MPG: variants seen among roughly 807,000 people sequenced by gnomAD.
MPG encodes the protein N-methylpurine DNA glycosylase, also known as DNA-3-methyladenine glycosylase.
A neutral mutation model predicts 31.7 loss-of-function variants in MPG; 33 were observed. That is an observed-to-expected ratio of 1.04 (90% confidence interval 0.79 to 1.39). MPG has a LOEUF of 1.39. Ranked by LOEUF, MPG falls within the 40% of genes most tolerant of loss-of-function variation. MPG has a pLI of 0.00. For synonymous variants in MPG, 202 were observed against 169.2 expected (o/e 1.19, Z -1.51); for missense variants, 455 against 415.5 (o/e 1.10, Z -0.83).
Position 79,408 on chromosome 16 carries a change from T to TTTTGTTTAG in MPG, c.25-14_25-13insGTTTAGTTT. The TTTTGTTTAG allele has an allele frequency of 6.2e-7, 1 of 1,613,532 alleles. No homozygotes were observed. Among genetic ancestry groups the TTTTGTTTAG allele is most frequent in the South Asian group, 1.1e-5 (1 of 91,084 alleles). ...GTCTCCTATTCGGATGCTTATTTAT[T>TTTTGTTTAG]TTTTTTCCCATTACAGTTTTGCCGA... On this transcript the variant is annotated splice_polypyrimidine_tract_variant and intron_variant, in intron 1 of 3. Coordinates refer to ENST00000356432, the MANE Select transcript of MPG (RefSeq NM_001015052.3).
At position 78,294 on chromosome 16, in the gene MPG, C is replaced by G; in HGVS notation, c.-16C>G. 7.5e-7 allele frequency: 1 copy of G among 1,340,278 alleles called. No homozygotes were observed. The highest frequency in any genetic ancestry group is 9.6e-7 in the Non-Finnish European group (1 of 1,043,480). The allele number at this position is 1,340,278 out of a possible 1,614,324, so 83.0% of individuals were successfully genotyped here. On this transcript the variant is annotated 5_prime_UTR_variant, in exon 1 of 4. Coordinates refer to ENST00000356432, the MANE Select transcript of MPG (RefSeq NM_001015052.3). ...CCGGGGTCCGAGTCCCACGAAGCCC[C>G]GGCCCGAGCCGCCGGATGCCCGCGC...
Position 85,425 on chromosome 16 carries a change from G to A in MPG, c.530G>A (p.Arg177Gln), listed in dbSNP as rs761456411. ...SQGDGACVLL[R>Q]ALEPLEGLET... is the part of the protein sequence containing the mutation. ...GGGGACGGGGCTTGCGTCTTGCTGC[G>A]AGCACTGGAGCCCCTGGAAGGTCTG... Residue 177 changes from arginine to glutamine, a missense_variant, in exon 4 of 4, where the codon CGA becomes CAA. By Grantham distance (43) the Arg-to-Gln change is conservative. Coordinates refer to ENST00000356432, the MANE Select transcript of MPG (RefSeq NM_001015052.3). 3.1e-6 allele frequency: 5 copies of A among 1,609,724 alleles called. No homozygotes were observed. Among genetic ancestry groups the A allele is most frequent in the East Asian group, 2.2e-5 (1 of 44,844 alleles).
rs1265240682 is a variant in MPG, at chr16:82,337, T to C, written c.301-715T>C. 2.0e-5 allele frequency among the ~76,000 whole-genome samples: 3 copies of C among 152,340 alleles called. No homozygotes were observed. In the South Asian group the frequency reaches 6.2e-4, roughly 32 times the overall value. ...TTTGGCACCACAGGGCTTCGTGGGCTGAGGTGAAGGTAGCCTGGCTGTCCA... is the reference window on the plus strand; with the variant it reads ...TTTGGCACCACAGGGCTTCGTGGGCCGAGGTGAAGGTAGCCTGGCTGTCCA... On this transcript the variant is annotated intron_variant, in intron 2 of 3. Transcript: ENST00000356432.
chr16:82,778 C>T (rs766021447), intron 2 of MPG, among the ~76,000 whole-genome samples: 11 of 152,330 alleles, frequency 7.2e-5, no homozygotes, highest in South Asian at 4.1e-4. Flanking sequence ...CCATGACTGC[C>T]GGTTCCCAGC....
rs56159544 is a variant in MPG, at chr16:79,471, G to A, written c.71G>A (p.Gly24Glu). Residue 24 changes from glycine to glutamate, a missense_variant, in exon 2 of 4, where the codon GGG (glycine) becomes GAG (glutamate). Physicochemically the swap from Gly to Glu is moderately conservative, Grantham distance 98 (BLOSUM62 -2). Coordinates refer to ENST00000356432, the MANE Select transcript of MPG (RefSeq NM_001015052.3). ...GQKKQRPARA[G>E]QPHSSSDAAQ... ...AAGAAGCAGCGACCAGCTAGAGCAGGGCAGCCACACAGCTCGTCCGACGCA... is the reference window on the plus strand; with the variant it reads ...AAGAAGCAGCGACCAGCTAGAGCAGAGCAGCCACACAGCTCGTCCGACGCA... 219 of 1,613,014 alleles carry A rather than the reference G, an allele frequency of 1.4e-4. 3 individuals are homozygous for A. The East Asian group carries it at 3.7e-3, about 27-fold the overall frequency.
In MPG at chr16:83,244, A is replaced by G. The variant is rs1168679673; in HGVS notation, c.493A>G (p.Ile165Val). ...TTACGGCATGTACTTCTGCATGAAC[A>G]TCTCCAGCCAGGGTGAGCAGTGCTG... ...IIYGMYFCMN[I>V]SSQGDGACVL... Residue 165 changes from isoleucine (I) to valine (V), a missense_variant, in exon 3 of 4, where the codon ATC becomes GTC. Ile to Val is a conservative substitution (Grantham distance 29). Coordinates refer to ENST00000356432, the MANE Select transcript of MPG (RefSeq NM_001015052.3). 3 of 1,611,522 alleles carry G rather than the reference A, an allele frequency of 1.9e-6. No homozygotes were observed. Among genetic ancestry groups the G allele is most frequent in the African/African-American group, 1.3e-5 (1 of 74,884 alleles).
chr16:82,683 T>C (rs1486500335), intron 2 of MPG, among the ~76,000 whole-genome samples: 2 of 152,186 alleles, frequency 1.3e-5, no homozygotes, highest in Non-Finnish European at 2.9e-5. Context: ...TGCTAAATGC[T>C]GATGGTTTTC....
chr16:83,162 G>T lies in MPG; in HGVS notation c.411G>T (p.Gln137His). The T allele has an allele frequency of 6.2e-7, 1 of 1,613,282 alleles. No individual in the cohort carries two copies. Among genetic ancestry groups the T allele is most frequent in the Non-Finnish European group, 8.5e-7 (1 of 1,179,996 alleles). The change falls in exon 3 of 4, where the codon CAG becomes CAT. Residue 137 changes from glutamine to histidine, a missense_variant. Gln to His is a conservative substitution (Grantham distance 24). Transcript: ENST00000356432. ...CCGCCCACTCAAGGGGTGGCCGGCAGACCCCCCGCAACCGAGGCATGTTCA... is the reference window on the plus strand; with the variant it reads ...CCGCCCACTCAAGGGGTGGCCGGCATACCCCCCGCAACCGAGGCATGTTCA... ...DEAAHSRGGR[Q>H]TPRNRGMFMK...
At chr16:81,626 CACACT>C (rs1898239623) in intron 2 of MPG, among the ~76,000 whole-genome samples, 6 of 144,678 alleles carry the variant, frequency 4.1e-5, no homozygotes, top group African/African-American at 1.4e-4. Flanking sequence ...GAATGCTCCC[CACACT>C]GACCCCTTCT....
chr16:77,480 T>G (rs1004597152), upstream of MPG, among the ~76,000 whole-genome samples: 1 of 152,170 alleles, frequency 6.6e-6, no homozygotes, highest in Non-Finnish European at 1.5e-5. Flanking sequence ...CTCAGAAGCG[T>G]AGGACGGCTG....
upstream of MPG, among the ~76,000 whole-genome samples, chr16:77,319 G>A (rs1471266699): frequency 6.6e-6 from 1 of 152,202 alleles, no homozygotes; most frequent in Non-Finnish European, 1.5e-5. Context: ...GCCATGGGCC[G>A]TGGGAGCCAG....
Position 79,765 on chromosome 16 carries a change from C to G in MPG, c.300+65C>G, listed in dbSNP as rs946540497. On this transcript the variant is annotated intron_variant, in intron 2 of 3. Transcript: ENST00000356432. Reference sequence around the variant, plus strand: ...TGTCACTGCAGTTGTCCCTGAACCCCTGTCCGCTGCCTGCTGGATTGGCCC... The same window carrying G: ...TGTCACTGCAGTTGTCCCTGAACCCGTGTCCGCTGCCTGCTGGATTGGCCC... 13 of 1,492,786 alleles carry G rather than the reference C, an allele frequency of 8.7e-6. No individual in the cohort carries two copies. The African/African-American group carries it at 1.8e-4, about 21-fold the overall frequency. The allele number at this position is 1,492,786 out of a possible 1,614,324, so 92.5% of individuals were successfully genotyped here. A position where few individuals can be genotyped will look rare whatever the true frequency, so the allele number is the denominator to read the frequency against.
At position 83,275 on chromosome 16, in the gene MPG, C is replaced by G. The variant is rs374659414; in HGVS notation, c.505+19C>G. 1.3e-6 allele frequency: 2 copies of G among 1,599,630 alleles called. No individual in the cohort carries two copies. Among genetic ancestry groups the G allele is most frequent in the Non-Finnish European group, 1.7e-6 (2 of 1,170,568 alleles). On this transcript the variant is annotated intron_variant, in intron 3 of 3. Coordinates refer to ENST00000356432, the MANE Select transcript of MPG (RefSeq NM_001015052.3). ...AGCCAGGGTGAGCAGTGCTGGGGCA[C>G]GGGGGGTTGGAGGGCCGGCAGAGCC...
In MPG at chr16:79,188, A is replaced by C; in HGVS notation, c.25-237A>C. ...CGTGCAGCTCGCACATATGTGGGGC[A>C]GAGCAGCCACCCTGCCCCCAGCAGC... On this transcript the variant is annotated intron_variant, in intron 1 of 3. Coordinates refer to ENST00000356432, the MANE Select transcript of MPG (RefSeq NM_001015052.3). 3 of 1,546,220 alleles carry C rather than the reference A, an allele frequency of 1.9e-6. No individual in the cohort carries two copies. In the Admixed American group the frequency reaches 5.9e-5, roughly 30 times the overall value.
intron 2 of MPG, 193 bp downstream of exon 2, chr16:79,893 G>C (rs1898195556): frequency 2.9e-6 from 2 of 682,026 alleles, no homozygotes; most frequent in Non-Finnish European, 4.9e-6. Flanking sequence ...AGAATGTAGA[G>C]ATTGTCAGTG....
chr16:85,528 T>C lies in MPG; in HGVS notation c.633T>C (p.Ser211=), dbSNP rs1365620122. The C allele has an allele frequency of 6.2e-6, 10 of 1,613,408 alleles. No homozygotes were observed. In the South Asian group the frequency reaches 8.8e-5, roughly 14 times the overall value. ...TCCTCAAGGACCGCGAGCTCTGCAG[T>C]GGCCCCTCCAAGCTGTGCCAGGCCC... is the stretch of plus-strand genomic sequence containing the variant. ...SRVLKDRELC[S]GPSKLCQALA... Residue 211 remains serine, a synonymous_variant, in exon 4 of 4, where the codon AGT becomes AGC. Coordinates refer to ENST00000356432, the MANE Select transcript of MPG (RefSeq NM_001015052.3).
chr16:78,143 C>CG (rs530262353), upstream of MPG: 4 of 459,682 alleles, frequency 8.7e-6, no homozygotes, highest in Non-Finnish European at 1.4e-5. Context: ...CGCCCCGCCC[C>CG]GGGGGCGCAG....
chr16:79,250 C>T, intron 1 of MPG, 175 bp from the exon 2 acceptor site: 1 of 1,553,276 alleles, frequency 6.4e-7, no homozygotes, highest in Non-Finnish European at 8.7e-7. Flanking sequence ...TTCCTGAGGC[C>T]TCGAGTGTGT....
chr16:79,099 GC>G (rs1898168191), intron 1 of MPG: 1 of 1,456,376 alleles, frequency 6.9e-7, no homozygotes, highest in Non-Finnish European at 9.0e-7. Context: ...GAGGGCACCA[GC>G]CCTGCTGTCC....
Sources: gnomAD v4.1 joint callset for allele counts (sites outside exome capture counted in the v4.1 genomes callset) on GRCh38, gnomAD v4.1.1 for gene constraint, MANE v1.5 for transcripts, NCBI Gene and HGNC (gene_info 2026-07-23, HGNC 2026-07-21) for gene names.